COX6C: variants seen among roughly 807,000 people sequenced by gnomAD.
COX6C encodes the protein cytochrome c oxidase subunit 6C, also known as cytochrome c oxidase polypeptide VIc.
In COX6C, 3 loss-of-function variants were observed where a neutral mutation model predicts 6.9. The observed-to-expected ratio is 0.43, with a 90% CI of 0.20 to 1.12. The LOEUF (loss-of-function observed/expected upper bound fraction) is 1.12. COX6C is among the 50% of genes most tolerant of loss of function. The pLI, the probability that COX6C is intolerant of heterozygous loss-of-function variation, is 0.27. For synonymous variants in COX6C, 32 were observed against 32.0 expected, an observed-to-expected ratio of 1.00 and a Z score of 0.00; for missense variants, 101 against 97.3, an observed-to-expected ratio of 1.04 and a Z score of -0.16.
At position 99,887,500 on chromosome 8, in the gene COX6C, C is replaced by G. The variant is rs1311056820; in HGVS notation, c.*5G>C. The G allele has an allele frequency of 2.6e-6, 4 of 1,563,106 alleles. No homozygotes were observed. Among genetic ancestry groups the G allele is most frequent in the Middle Eastern group, 1.8e-4 (1 of 5,644 alleles). On this transcript the variant is annotated 3_prime_UTR_variant, in exon 3 of 4. Transcript: ENST00000520468. ...AAATAACCATATTACCTTTATATTC[C>G]AAGATTACTTTACACTCTGAAAGAT...
At chr8:99,880,782 C>T (rs1477318603) in intron 3 of COX6C, among the ~76,000 whole-genome samples, 1 of 151,146 alleles carries the variant, frequency 6.6e-6, no homozygotes, top group Non-Finnish European at 1.5e-5. Context: ...ACCAAGCAGA[C>T]CAATATAGGT....
chr8:99,891,801 G>A (rs1818056165), intron 2 of COX6C, 107 bp downstream of exon 2: 2 of 936,470 alleles, frequency 2.1e-6, no homozygotes, highest in South Asian at 1.3e-5. Flanking sequence ...GGTGAGTGCA[G>A]AAAGGGTTAG....
At chr8:99,890,323 A>G (rs939041470) in intron 2 of COX6C, among the ~76,000 whole-genome samples, 1 of 152,032 alleles carries the variant, frequency 6.6e-6, no homozygotes, top group African/African-American at 2.4e-5. Flanking sequence ...ATGACCCACA[A>G]TAACTGTGAA....
At chr8:99,889,881 G>C (rs1042079370) in intron 2 of COX6C, among the ~76,000 whole-genome samples, 5 of 151,720 alleles carry the variant, frequency 3.3e-5, no homozygotes, top group African/African-American at 1.2e-4. Flanking sequence ...ATGAGGTCAG[G>C]AGATGGGAGA....
chr8:99,883,488 G>T (rs1032964630), intron 3 of COX6C, among the ~76,000 whole-genome samples: 2 of 145,044 alleles, frequency 1.4e-5, no homozygotes, highest in African/African-American at 5.3e-5. Context: ...TTTTGGTAGA[G>T]ATGGGGTCTT....
At chr8:99,886,954 C>A (rs12550092) in intron 3 of COX6C, 1 of 152,164 alleles carries the variant, frequency 6.6e-6, no homozygotes, top group African/African-American at 2.4e-5. Context: ...CTAAACTGTA[C>A]AATTAAAAAT....
chr8:99,881,372 A>G (rs1344691471), intron 3 of COX6C, among the ~76,000 whole-genome samples: 1 of 152,100 alleles, frequency 6.6e-6, no homozygotes, highest in Non-Finnish European at 1.5e-5. Flanking sequence ...AAAAAAAAAA[A>G]AAAAATTGGT....
At chr8:99,889,159 T>C (rs1443556448) in intron 2 of COX6C, among the ~76,000 whole-genome samples, 1 of 152,142 alleles carries the variant, frequency 6.6e-6, no homozygotes, top group Admixed American at 6.5e-5. Flanking sequence ...TCATGCCCAC[T>C]ATATATGCCA....
chr8:99,889,270 C>T (rs1000201937), intron 2 of COX6C, among the ~76,000 whole-genome samples: 54 of 151,920 alleles, frequency 3.6e-4, no homozygotes, highest in Non-Finnish European at 1.3e-4. Context: ...TGTTCCATCT[C>T]CTCTTTGCTC....
intron 3 of COX6C, among the ~76,000 whole-genome samples, chr8:99,885,787 C>T (rs915526628): frequency 6.6e-6 from 1 of 151,992 alleles, no homozygotes; most frequent in South Asian, 2.1e-4. Context: ...AAAATAAATT[C>T]GACATCAAAA....
intron 3 of COX6C, among the ~76,000 whole-genome samples, chr8:99,880,582 G>A (rs1299524821): frequency 6.6e-6 from 1 of 152,076 alleles, no homozygotes; most frequent in Non-Finnish European, 1.5e-5. Context: ...AAGTTATCAA[G>A]TCTGAAGAGC....
intron 3 of COX6C, among the ~76,000 whole-genome samples, chr8:99,885,073 A>G (rs13252579): frequency 0.13 from 19,463 of 152,220 alleles, 1,287 homozygotes; most frequent in Non-Finnish European, 0.14. Flanking sequence ...ACAAAGCTAG[A>G]GGACTCACAC....
intron 3 of COX6C, among the ~76,000 whole-genome samples, chr8:99,883,111 G>C (rs1036444072): frequency 2.0e-5 from 3 of 151,840 alleles, no homozygotes; most frequent in Non-Finnish European, 4.4e-5. Flanking sequence ...ATCTAACCAA[G>C]ACTGGATCAG....
At chr8:99,887,703 A>G in intron 2 of COX6C, 85 bp from the exon 3 acceptor site, 1 of 879,252 alleles carries the variant, frequency 1.1e-6, no homozygotes, top group Non-Finnish European at 1.7e-6. Flanking sequence ...ACAAGGTAGA[A>G]CACATGTTTT....
intron 3 of COX6C, among the ~76,000 whole-genome samples, chr8:99,881,126 C>T (rs1817855986): frequency 6.6e-6 from 1 of 152,088 alleles, no homozygotes; most frequent in African/African-American, 2.4e-5. Context: ...TTGGGAGGCC[C>T]AGGCAGGCAA....
At chr8:99,889,531 G>A (rs1818001879) in intron 2 of COX6C, among the ~76,000 whole-genome samples, 1 of 151,854 alleles carries the variant, frequency 6.6e-6, no homozygotes, top group South Asian at 2.1e-4. Context: ...GATTACAGGT[G>A]CCCGACACCA....
chr8:99,885,415 T>C (rs907510509), intron 3 of COX6C, among the ~76,000 whole-genome samples: 2 of 152,158 alleles, frequency 1.3e-5, no homozygotes, highest in Non-Finnish European at 2.9e-5. Context: ...TTGAAACATA[T>C]CTTAGATAAA....
chr8:99,893,313 C>G (rs1818085736), intron 1 of COX6C: 1 of 152,316 alleles, frequency 6.6e-6, no homozygotes, highest in African/African-American at 2.4e-5. Context: ...GGTCAAATGA[C>G]CTCACCAAGG....
At chr8:99,889,967 G>A (rs577735030) in intron 2 of COX6C, among the ~76,000 whole-genome samples, 24 of 151,752 alleles carry the variant, frequency 1.6e-4, no homozygotes, top group African/African-American at 5.8e-4. Context: ...GGTGGCGGAC[G>A]CCTGTAGTCC....
Sources: gnomAD v4.1 joint callset for allele counts (sites outside exome capture counted in the v4.1 genomes callset) on GRCh38, gnomAD v4.1.1 for gene constraint, MANE v1.5 for transcripts, NCBI Gene and HGNC (gene_info 2026-07-23, HGNC 2026-07-21) for gene names.